The following CFAP299 variants were observed in gnomAD, a reference collection of about 807,000 sequenced individuals.
CFAP299 encodes cilia- and flagella-associated protein 299.
Under a neutral mutation model 27.0 loss-of-function variants are expected in CFAP299, and 21 were observed. That is an observed-to-expected ratio of 0.78 (90% CI 0.55 to 1.12). The LOEUF (loss-of-function observed/expected upper bound fraction) is 1.12. Among genes scored for constraint, CFAP299 ranks in the 50% most tolerant of loss-of-function variants. The pLI is 0.00. For synonymous variants in CFAP299, 104 were observed against 98.1 expected, an observed-to-expected ratio of 1.06 and a Z score of -0.36; for missense variants, 310 against 276.6, an observed-to-expected ratio of 1.12 and a Z score of -0.86.
At chr4:80,358,566 C>T (rs1042285305) in intron 1 of CFAP299, among the ~76,000 whole-genome samples, 1 of 151,950 alleles carries the variant, frequency 6.6e-6, no homozygotes, top group African/African-American at 2.4e-5. Context: ...TGAACTCTTT[C>T]CCATTACTTA....
chr4:80,630,546 GT>G (rs1211195265), intron 3 of CFAP299, among the ~76,000 whole-genome samples: 5 of 151,938 alleles, frequency 3.3e-5, no homozygotes, highest in Admixed American at 3.3e-4. Flanking sequence ...GAAACATTAT[GT>G]TTTTATAATA....
At chr4:80,652,658 C>G (rs1449290158) in intron 3 of CFAP299, among the ~76,000 whole-genome samples, 2 of 151,876 alleles carry the variant, frequency 1.3e-5, no homozygotes, top group African/African-American at 4.8e-5. Flanking sequence ...TCATATGAAC[C>G]CTCAAGTCCT....
intron 3 of CFAP299, among the ~76,000 whole-genome samples, chr4:80,693,230 A>G (rs1367095115): frequency 6.6e-6 from 1 of 152,182 alleles, no homozygotes; most frequent in African/African-American, 2.4e-5. Flanking sequence ...TCATGCTTCT[A>G]TAAAGACACA....
At position 80,514,673 on chromosome 4, in the gene CFAP299, TTC is replaced by T. The variant is rs559559085; in HGVS notation, c.243-68418_243-68417del. 6.4e-4 allele frequency among the ~76,000 whole-genome samples: 97 copies of T among 152,214 alleles called. 1 individual carries two copies. Among genetic ancestry groups the T allele is most frequent in the African/African-American group, 2.2e-3 (91 of 41,564 alleles). ...TAACACATCTTTGTTTACCTGGTGA[TTC>T]TTTCTCTGCTGTTCTCCCTCTTTTC... On this transcript the variant is annotated intron_variant, in intron 2 of 5. Transcript: ENST00000358105.
chr4:80,891,162 T>C (rs1291767710), intron 4 of CFAP299, among the ~76,000 whole-genome samples: 3 of 149,218 alleles, frequency 2.0e-5, no homozygotes, highest in Admixed American at 1.3e-4. Context: ...TGGTAATGCC[T>C]AGGTTTTCTT....
chr4:80,888,970 A>G (rs1281561523), intron 4 of CFAP299, among the ~76,000 whole-genome samples: 1 of 147,454 alleles, frequency 6.8e-6, no homozygotes, highest in Non-Finnish European at 1.5e-5. Flanking sequence ...ATACAGCAAA[A>G]GCAGTATTCA....
chr4:80,340,834 G>T (rs771829778), intron 1 of CFAP299, among the ~76,000 whole-genome samples: 2 of 151,842 alleles, frequency 1.3e-5, no homozygotes, highest in Non-Finnish European at 2.9e-5. Context: ...GGAGTGCAAT[G>T]GTGCGATCTC....
intron 3 of CFAP299, among the ~76,000 whole-genome samples, chr4:80,753,346 A>C (rs1560734172): frequency 6.6e-6 from 1 of 151,966 alleles, no homozygotes; most frequent in Non-Finnish European, 1.5e-5. Flanking sequence ...AATTTGTCTT[A>C]TATAATTCTT....
At chr4:80,855,797 A>G (rs1731836022) in intron 3 of CFAP299, among the ~76,000 whole-genome samples, 1 of 152,212 alleles carries the variant, frequency 6.6e-6, no homozygotes, top group East Asian at 1.9e-4. Flanking sequence ...TTCTTAATCC[A>G]GTCTATCATT....
intron 3 of CFAP299, among the ~76,000 whole-genome samples, chr4:80,728,768 G>A (rs996946861): frequency 2.6e-5 from 4 of 152,254 alleles, no homozygotes; most frequent in South Asian, 4.1e-4. Context: ...TCCTAACTGC[G>A]TGCTACCCAA....
At chr4:80,499,767 A>AT (rs912109707) in intron 2 of CFAP299, among the ~76,000 whole-genome samples, 20 of 151,766 alleles carry the variant, frequency 1.3e-4, no homozygotes, top group Admixed American at 8.5e-4. Context: ...TCCTCTTGAT[A>AT]TTTTTTTTCC....
intron 2 of CFAP299, among the ~76,000 whole-genome samples, chr4:80,410,456 T>C (rs1318669473): frequency 1.3e-5 from 2 of 152,146 alleles, no homozygotes; most frequent in Non-Finnish European, 2.9e-5. Context: ...AGATAGTCAA[T>C]TGGGACCATG....
chr4:80,690,437 G>A lies in CFAP299; in HGVS notation c.333+107254G>A, dbSNP rs200466859. ...GGGAAACTGAACAACCTGCTCCTGA[G>A]TGACTACTGGGTACATAACGAAATG... is the stretch of plus-strand genomic sequence containing the variant. On this transcript the variant is annotated intron_variant, in intron 3 of 5. Coordinates refer to ENST00000358105, the MANE Select transcript of CFAP299 (RefSeq NM_152770.3). Among the ~76,000 whole-genome samples the A allele has an allele frequency of 2.4e-3, 372 of 152,220 alleles. 1 individual carries two copies. Among genetic ancestry groups the A allele is most frequent in the African/African-American group, 8.3e-3 (346 of 41,520 alleles).
intron 3 of CFAP299, among the ~76,000 whole-genome samples, chr4:80,767,177 G>A (rs1284782155): frequency 3.3e-5 from 5 of 151,874 alleles, no homozygotes; most frequent in African/African-American, 1.2e-4. Flanking sequence ...ATACACATGT[G>A]TATTCCTATA....
At chr4:80,438,348 T>G (rs1728193972) in intron 2 of CFAP299, among the ~76,000 whole-genome samples, 1 of 152,206 alleles carries the variant, frequency 6.6e-6, no homozygotes. Context: ...GGGCCTAATG[T>G]GTCTGAGGAA....
intron 3 of CFAP299, among the ~76,000 whole-genome samples, chr4:80,626,422 T>C (rs940554895): frequency 4.6e-5 from 7 of 151,784 alleles, no homozygotes; most frequent in African/African-American, 1.4e-4. Flanking sequence ...ACAGTGACAT[T>C]ACAAAAGGTA....
chr4:80,459,678 A>G (rs1330300878), intron 2 of CFAP299, among the ~76,000 whole-genome samples: 7 of 152,182 alleles, frequency 4.6e-5, no homozygotes, highest in Admixed American at 4.6e-4. Context: ...GAAAAAAAAC[A>G]GAAAAACTGA....
chr4:80,492,891 G>A (rs1319720835), intron 2 of CFAP299, among the ~76,000 whole-genome samples: 1 of 152,162 alleles, frequency 6.6e-6, no homozygotes, highest in African/African-American at 2.4e-5. Flanking sequence ...ATGGTGGCCT[G>A]GAGTGTGAGA....
Position 80,841,856 on chromosome 4 carries a change from A to C in CFAP299, c.334-28137A>C, listed in dbSNP as rs540438905. Among the ~76,000 whole-genome samples, 118 of 152,184 alleles carry C rather than the reference A, an allele frequency of 7.8e-4. 1 individual carries two copies. Among genetic ancestry groups the C allele is most frequent in the African/African-American group, 2.8e-3 (116 of 41,526 alleles). On this transcript the variant is annotated intron_variant, in intron 3 of 5. Transcript: ENST00000358105. ...TGAGAGGCCTTCTTACCTCTTTTTAACCCAAGCCCTTTTCTAAATTTTTGT... is the reference window on the plus strand; with the variant it reads ...TGAGAGGCCTTCTTACCTCTTTTTACCCCAAGCCCTTTTCTAAATTTTTGT...
Sources: allele counts gnomAD v4.1 joint callset (sites outside exome capture counted in the v4.1 genomes callset), GRCh38; gene constraint gnomAD v4.1.1; transcripts MANE v1.5; gene names NCBI Gene and HGNC (gene_info 2026-07-23, HGNC 2026-07-21).